HERC3: variants seen among roughly 807,000 people sequenced by gnomAD.
HERC3 encodes HECT and RLD domain containing E3 ubiquitin protein ligase 3, also known as probable E3 ubiquitin-protein ligase HERC3.
A neutral mutation model predicts 129.9 loss-of-function variants in HERC3; 58 were observed. The ratio of observed to expected loss-of-function variants is 0.45; its 90% CI spans 0.36 to 0.56. The LOEUF (loss-of-function observed/expected upper bound fraction) is 0.56, where lower values mean the gene tolerates loss of function less well. Among genes scored for constraint, HERC3 ranks in the 20% least tolerant of loss-of-function variants. The probability of loss-of-function intolerance (pLI) is 0.00; values close to 1 mark genes in which losing one functional copy is unlikely to be tolerated. For missense variants in HERC3, 835 were observed against 1,244.2 expected, an observed-to-expected ratio of 0.67 and a Z score of 4.95; for synonymous variants, 430 against 451.0, an observed-to-expected ratio of 0.95 and a Z score of 0.59.
chr4:88,528,740 G>A, the HERC3 span, among the ~76,000 whole-genome samples: 1 of 152,198 alleles, frequency 6.6e-6, no homozygotes, highest in Admixed American at 6.5e-5. Flanking sequence ...AATTTATTCT[G>A]TCTTTCCACA....
chr4:88,525,210 A>G, the HERC3 span, among the ~76,000 whole-genome samples: 3 of 152,162 alleles, frequency 2.0e-5, no homozygotes, highest in Non-Finnish European at 4.4e-5. Flanking sequence ...CACAGTCATA[A>G]CTTTCCGTTA....
chr4:88,643,083 ATC>A (rs1474223526), intron 3 of HERC3, among the ~76,000 whole-genome samples: 4 of 152,198 alleles, frequency 2.6e-5, no homozygotes, highest in Non-Finnish European at 4.4e-5. Flanking sequence ...AATGTACTAT[ATC>A]TATATATTAA....
the HERC3 span, among the ~76,000 whole-genome samples, chr4:88,574,900 CT>C: frequency 6.6e-6 from 1 of 152,070 alleles, no homozygotes; most frequent in Non-Finnish European, 1.5e-5. Flanking sequence ...TCTTTGAGAC[CT>C]TGCTTTCAGT....
At chr4:88,657,779 C>T (rs1315005391) in intron 9 of HERC3, among the ~76,000 whole-genome samples, 1 of 151,090 alleles carries the variant, frequency 6.6e-6, no homozygotes, top group Non-Finnish European at 1.5e-5. Flanking sequence ...TTGGAGTTAG[C>T]CAGGTGTAGA....
Position 88,703,490 on chromosome 4 carries a change from T to C in HERC3, c.2658-608T>C, listed in dbSNP as rs530117858. Among the ~76,000 whole-genome samples, 11 of 152,346 alleles carry C rather than the reference T, an allele frequency of 7.2e-5. No homozygotes were observed. In the South Asian group the frequency reaches 2.3e-3, roughly 32 times the overall value. ...TCCCCACACCTTCACCATATTGATA[T>C]AATCTCATTTTTAAACTTAGGCCAG... On this transcript the variant is annotated intron_variant, in intron 23 of 25. Transcript: ENST00000402738.
At chr4:88,549,592 A>G in the HERC3 span, among the ~76,000 whole-genome samples, 1 of 151,918 alleles carries the variant, frequency 6.6e-6, no homozygotes, top group Non-Finnish European at 1.5e-5. Context: ...GCACTACTTC[A>G]CTTACGATAA....
chr4:88,555,281 CAAAA>C, the HERC3 span, among the ~76,000 whole-genome samples: 1 of 110,468 alleles, frequency 9.1e-6, no homozygotes. Context: ...GACTCCGTCT[CAAAA>C]AAAAAAAAAA....
At chr4:88,662,725 C>G (rs542984401) in intron 11 of HERC3, among the ~76,000 whole-genome samples, 170 bp downstream of exon 11, 1 of 152,042 alleles carries the variant, frequency 6.6e-6, no homozygotes, top group East Asian at 1.9e-4. Flanking sequence ...TCTCCTTAGC[C>G]CCAAATAGCA....
chr4:88,609,537 A>G (rs1268142503), intron 3 of HERC3, among the ~76,000 whole-genome samples: 2 of 152,174 alleles, frequency 1.3e-5, no homozygotes, highest in Non-Finnish European at 2.9e-5. Context: ...TTTTTTATCT[A>G]CCAGGAAATA....
intron 3 of HERC3, among the ~76,000 whole-genome samples, chr4:88,639,897 AC>A (rs985590388): frequency 1.7e-4 from 26 of 151,956 alleles, no homozygotes; most frequent in African/African-American, 6.1e-4. Context: ...GAAAAAAAAA[AC>A]CCCTTCATAA....
chr4:88,690,934 C>A (rs138527241), intron 23 of HERC3, among the ~76,000 whole-genome samples: 2 of 152,196 alleles, frequency 1.3e-5, no homozygotes, highest in South Asian at 4.1e-4. Context: ...TAAGCTGTAT[C>A]CAGATGCAAC....
At chr4:88,693,150 G>A in intron 23 of HERC3, 1 of 985,170 alleles carries the variant, frequency 1.0e-6, no homozygotes, top group East Asian at 1.1e-4. Flanking sequence ...CTTCACTGTT[G>A]AATATTTGGC....
chr4:88,528,784 A>C, the HERC3 span, among the ~76,000 whole-genome samples: 4 of 152,156 alleles, frequency 2.6e-5, no homozygotes, highest in Non-Finnish European at 5.9e-5. Context: ...CCTGACTTCA[A>C]CCAGTTACTT....
the HERC3 span, among the ~76,000 whole-genome samples, chr4:88,533,982 C>T: frequency 6.6e-6 from 1 of 152,140 alleles, no homozygotes; most frequent in African/African-American, 2.4e-5. Context: ...TTTCTACCTC[C>T]CATTCCTCCT....
intron 23 of HERC3, among the ~76,000 whole-genome samples, chr4:88,689,581 C>CTT (rs745365102): frequency 1.4e-5 from 2 of 139,162 alleles, no homozygotes; most frequent in African/African-American, 2.6e-5. Context: ...TCCTTGACTA[C>CTT]TTTTTTTTTT....
At chr4:88,627,900 G>A (rs1433460960) in intron 3 of HERC3, among the ~76,000 whole-genome samples, 3 of 102,262 alleles carry the variant, frequency 2.9e-5, no homozygotes, top group African/African-American at 1.5e-4. Flanking sequence ...GCGAAACTCC[G>A]TCTCAAAAAA....
chr4:88,703,947 C>T (rs1488491083), intron 23 of HERC3, 151 bp from the exon 24 acceptor site: 3 of 671,278 alleles, frequency 4.5e-6, no homozygotes, highest in Non-Finnish European at 7.7e-6. Context: ...GAGAGGAGAG[C>T]TGGTAACCTA....
chr4:88,682,714 G>C (rs544334779), intron 21 of HERC3, among the ~76,000 whole-genome samples: 5 of 152,190 alleles, frequency 3.3e-5, no homozygotes, highest in African/African-American at 1.2e-4. Flanking sequence ...TCTTAATCCA[G>C]TCTATCATTG....
At chr4:88,644,135 G>A (rs1458426720) in intron 3 of HERC3, among the ~76,000 whole-genome samples, 8 of 152,094 alleles carry the variant, frequency 5.3e-5, no homozygotes, top group Non-Finnish European at 1.2e-4. Flanking sequence ...AGCAAGTGTT[G>A]GCAAGGATGC....
Sources: gnomAD v4.1 joint callset for allele counts (sites outside exome capture counted in the v4.1 genomes callset) on GRCh38, gnomAD v4.1.1 for gene constraint, MANE v1.5 for transcripts, NCBI Gene and HGNC (gene_info 2026-07-23, HGNC 2026-07-21) for gene names.